TMEM132D: variants seen among roughly 807,000 people sequenced by gnomAD.
The protein encoded by TMEM132D is mature OL transmembrane protein.
Under a neutral mutation model 62.3 loss-of-function variants are expected in TMEM132D, and 21 were observed. That is an observed-to-expected ratio of 0.34 (90% CI 0.24 to 0.49). The LOEUF (loss-of-function observed/expected upper bound fraction) is 0.49, where lower values mean the gene tolerates loss of function less well. TMEM132D is among the 20% of genes least tolerant of loss of function. The probability of loss-of-function intolerance (pLI) is 0.99; values close to 1 mark genes in which losing one functional copy is unlikely to be tolerated. For missense variants in TMEM132D, 1,346 were observed against 1,402.8 expected, an observed-to-expected ratio of 0.96 and a Z score of 0.65; for synonymous variants, 621 against 575.6, an observed-to-expected ratio of 1.08 and a Z score of -1.13.
intron 3 of TMEM132D, among the ~76,000 whole-genome samples, chr12:129,355,378 C>T (rs1380525593): frequency 2.1e-5 from 3 of 142,890 alleles, no homozygotes; most frequent in Non-Finnish European, 3.1e-5. Context: ...CAACCGCCTA[C>T]GTGGGCAACT....
At chr12:129,638,494 T>TATATATAAACATATATAAATATATATAA (rs1565931939) in intron 2 of TMEM132D, among the ~76,000 whole-genome samples, 7 of 110,068 alleles carry the variant, frequency 6.4e-5, no homozygotes, top group African/African-American at 1.3e-4. Context: ...TGATTTTTTA[T>TATATATAAACATATATAAATATATATAA]ATATATAAAC....
intron 5 of TMEM132D, among the ~76,000 whole-genome samples, chr12:129,199,261 C>T (rs1472288267): frequency 6.6e-6 from 1 of 151,996 alleles, no homozygotes; most frequent in African/African-American, 2.4e-5. Flanking sequence ...AGGCATGCAC[C>T]CAGCTAATTT....
chr12:129,847,444 C>A (rs1873397396), intron 1 of TMEM132D, among the ~76,000 whole-genome samples: 1 of 152,186 alleles, frequency 6.6e-6, no homozygotes. Context: ...TACCCTCAGT[C>A]TTGGCTGCTG....
chr12:129,355,613 G>T (rs1870018632), intron 3 of TMEM132D, among the ~76,000 whole-genome samples: 1 of 152,136 alleles, frequency 6.6e-6, no homozygotes, highest in Non-Finnish European at 1.5e-5. Flanking sequence ...CCTTCCAAAG[G>T]TTATCTGAAT....
At chr12:129,769,329 G>T (rs113488402) in intron 1 of TMEM132D, among the ~76,000 whole-genome samples, 1 of 152,260 alleles carries the variant, frequency 6.6e-6, no homozygotes, top group East Asian at 1.9e-4. Context: ...ATGGCAGCAG[G>T]CAAGAGAGAA....
At chr12:129,130,487 C>A (rs978863007) in intron 5 of TMEM132D, among the ~76,000 whole-genome samples, 6 of 152,150 alleles carry the variant, frequency 3.9e-5, no homozygotes, top group Admixed American at 1.3e-4. Context: ...TGCTAACCAC[C>A]GTCCGCGGTC....
At chr12:129,756,729 A>T (rs185326862) in intron 1 of TMEM132D, among the ~76,000 whole-genome samples, 13 of 152,320 alleles carry the variant, frequency 8.5e-5, no homozygotes, top group African/African-American at 2.9e-4. Flanking sequence ...TTAAAAAGAA[A>T]AGCGAACCAA....
intron 1 of TMEM132D, among the ~76,000 whole-genome samples, chr12:129,771,112 C>T (rs1363663701): frequency 6.6e-6 from 1 of 152,166 alleles, no homozygotes; most frequent in Non-Finnish European, 1.5e-5. Flanking sequence ...TTCCTCTCTC[C>T]CCAAACAGCT....
intron 1 of TMEM132D, among the ~76,000 whole-genome samples, chr12:129,797,638 G>C (rs1871607449): frequency 6.6e-6 from 1 of 152,168 alleles, no homozygotes; most frequent in Non-Finnish European, 1.5e-5. Context: ...CTGAGTTATG[G>C]AAATCCACAG....
At chr12:129,514,307 C>T (rs1240556572) in intron 3 of TMEM132D, among the ~76,000 whole-genome samples, 2 of 152,110 alleles carry the variant, frequency 1.3e-5, no homozygotes, top group Non-Finnish European at 2.9e-5. Context: ...TTTTTTCTCC[C>T]TTGAATAAAC....
At chr12:129,312,672 C>T (rs1324556024) in intron 4 of TMEM132D, among the ~76,000 whole-genome samples, 4 of 152,174 alleles carry the variant, frequency 2.6e-5, no homozygotes, top group African/African-American at 9.7e-5. Context: ...CGGGTTCACT[C>T]CATTCTCCCT....
intron 4 of TMEM132D, among the ~76,000 whole-genome samples, chr12:129,265,758 T>TC (rs555665040): frequency 1.3e-5 from 2 of 151,992 alleles, no homozygotes; most frequent in Non-Finnish European, 2.9e-5. Context: ...ACATGCTCAG[T>TC]CCCTCTCTTC....
At chr12:129,881,953 C>T (rs1251686979) in intron 1 of TMEM132D, among the ~76,000 whole-genome samples, 2 of 152,082 alleles carry the variant, frequency 1.3e-5, no homozygotes, top group East Asian at 1.9e-4. Flanking sequence ...ATTATCGCTA[C>T]AGATCTAAAA....
At chr12:129,438,991 T>G (rs1449032105) in intron 3 of TMEM132D, among the ~76,000 whole-genome samples, 1 of 152,236 alleles carries the variant, frequency 6.6e-6, no homozygotes, top group East Asian at 1.9e-4. Flanking sequence ...CCATCTCTGC[T>G]GTCCGTGATC....
rs555170006 is a variant in TMEM132D at position 129,586,051 on chromosome 12, T to C, written c.969-54846A>G. ...AGACAAATAGTTCTTTGGAATAAAA[T>C]AGAGGGTCTAGCAGCAGAACCAGGC... is the stretch of plus-strand genomic sequence containing the variant. On this transcript the variant is annotated intron_variant, in intron 2 of 8. Coordinates refer to ENST00000422113, the MANE Select transcript of TMEM132D (RefSeq NM_133448.3). Among the ~76,000 whole-genome samples the C allele has an allele frequency of 6.6e-4, 99 of 150,884 alleles. 3 individuals are homozygous for C. In the South Asian group the frequency reaches 0.02, roughly 30 times the overall value.
At chr12:129,664,406 T>C (rs1880319781) in intron 2 of TMEM132D, among the ~76,000 whole-genome samples, 1 of 149,844 alleles carries the variant, frequency 6.7e-6, no homozygotes, top group Non-Finnish European at 1.5e-5. Flanking sequence ...ATCTTGACAT[T>C]CTACAATTAC....
chr12:129,664,872 C>G (rs771074441), intron 2 of TMEM132D, among the ~76,000 whole-genome samples: 1 of 152,230 alleles, frequency 6.6e-6, no homozygotes, highest in East Asian at 1.9e-4. Context: ...ACAGCAATGA[C>G]AACTAACCCT....
chr12:129,591,621 A>G (rs1388005879), intron 2 of TMEM132D, among the ~76,000 whole-genome samples: 1 of 151,504 alleles, frequency 6.6e-6, no homozygotes, highest in African/African-American at 2.4e-5. Flanking sequence ...TCAAGTGTTT[A>G]TTCCAAGCCA....
chr12:129,280,691 C>A (rs1213495378), intron 4 of TMEM132D, among the ~76,000 whole-genome samples: 1 of 152,142 alleles, frequency 6.6e-6, no homozygotes, highest in African/African-American at 2.4e-5. Context: ...ATCTATCTAT[C>A]TATCTACCTA....
Sources: allele counts gnomAD v4.1 joint callset (sites outside exome capture counted in the v4.1 genomes callset), GRCh38; gene constraint gnomAD v4.1.1; transcripts MANE v1.5; gene names NCBI Gene and HGNC (gene_info 2026-07-23, HGNC 2026-07-21).